KIAA1328: variants seen among roughly 807,000 people sequenced by gnomAD.
KIAA1328 encodes protein hinderin.
In KIAA1328, 52 loss-of-function variants were observed where a neutral mutation model predicts 68.1. The ratio of observed to expected loss-of-function variants is 0.76; its 90% CI spans 0.61 to 0.96. KIAA1328 has a LOEUF of 0.96. Among genes scored for constraint, KIAA1328 ranks in the 40% least tolerant of loss-of-function variants. The pLI is 0.00. For missense variants in KIAA1328, 641 were observed against 677.6 expected, an observed-to-expected ratio of 0.95 and a Z score of 0.60; for synonymous variants, 232 against 239.4, an observed-to-expected ratio of 0.97 and a Z score of 0.28.
intron 5 of KIAA1328, chr18:36,902,177 C>T (rs1012268087): frequency 2.0e-5 from 3 of 151,804 alleles, no homozygotes; most frequent in Non-Finnish European, 4.4e-5. Context: ...TCTGAAAATC[C>T]AGCCTCACTT....
At chr18:37,035,906 C>G (rs1405100332) in intron 6 of KIAA1328, among the ~76,000 whole-genome samples, 1 of 152,026 alleles carries the variant, frequency 6.6e-6, no homozygotes, top group Non-Finnish European at 1.5e-5. Flanking sequence ...TTTTTTCTCT[C>G]TCTCCTTTCT....
chr18:36,880,461 T>C (rs760077688), intron 4 of KIAA1328, among the ~76,000 whole-genome samples: 3 of 152,238 alleles, frequency 2.0e-5, no homozygotes, highest in Non-Finnish European at 4.4e-5. Flanking sequence ...CTGTTTCTAT[T>C]TGGCCATCTT....
chr18:36,962,543 T>A (rs913912065), intron 6 of KIAA1328, among the ~76,000 whole-genome samples: 49 of 152,300 alleles, frequency 3.2e-4, no homozygotes, highest in African/African-American at 9.4e-4. Context: ...ACATCATGCT[T>A]ATTCTAAAAT....
chr18:37,112,367 T>A (rs747987753), intron 7 of KIAA1328, among the ~76,000 whole-genome samples: 3 of 152,190 alleles, frequency 2.0e-5, no homozygotes, highest in Non-Finnish European at 2.9e-5. Context: ...TTCTGCAATA[T>A]TTGCTGTTCT....
intron 7 of KIAA1328, among the ~76,000 whole-genome samples, chr18:37,073,740 T>C (rs2056613225): frequency 6.6e-6 from 1 of 152,242 alleles, no homozygotes; most frequent in Non-Finnish European, 1.5e-5. Context: ...TGTCTTCTCT[T>C]TATTTTCAGA....
At chr18:37,078,792 A>C (rs1418960034) in intron 7 of KIAA1328, among the ~76,000 whole-genome samples, 2 of 150,956 alleles carry the variant, frequency 1.3e-5, no homozygotes, top group Non-Finnish European at 3.0e-5. Context: ...ACCATCTCAC[A>C]CCAGTTAGAA....
chr18:36,957,420 A>C (rs887901369), intron 5 of KIAA1328, among the ~76,000 whole-genome samples: 20 of 152,124 alleles, frequency 1.3e-4, no homozygotes, highest in African/African-American at 4.8e-4. Context: ...TAAGGAACAG[A>C]GCTCTCTCTT....
chr18:36,998,464 C>T (rs73417193), intron 6 of KIAA1328, among the ~76,000 whole-genome samples: 15 of 152,272 alleles, frequency 9.9e-5, no homozygotes, highest in South Asian at 2.1e-4. Context: ...ACATGAAGGA[C>T]GAAAAATTGG....
chr18:36,877,875 G>T (rs2048190127), intron 4 of KIAA1328, among the ~76,000 whole-genome samples: 1 of 151,786 alleles, frequency 6.6e-6, no homozygotes, highest in Non-Finnish European at 1.5e-5. Flanking sequence ...CACCATGTTA[G>T]CCAGGATGGT....
rs144472393 is a variant in KIAA1328, at chr18:36,955,553, C to G, written c.449-3755C>G. The stretch of plus-strand genomic sequence containing the variant: ...TCAATCTCTTGACCTGGTGATCTGT[C>G]CACCTCGGCCTCCCAAAGTGCTGGG... On this transcript the variant is annotated intron_variant, in intron 5 of 9. Transcript: ENST00000280020. Among the ~76,000 whole-genome samples the G allele has an allele frequency of 5.2e-4, 79 of 152,098 alleles. No homozygotes were observed. In the East Asian group the frequency reaches 0.01, roughly 19 times the overall value.
chr18:37,062,901 C>T (rs973121576), intron 6 of KIAA1328, among the ~76,000 whole-genome samples: 6 of 152,102 alleles, frequency 3.9e-5, no homozygotes, highest in African/African-American at 1.4e-4. Flanking sequence ...TTACCACTAA[C>T]CTGGTAATTT....
chr18:36,948,261 G>GTTTT (rs1167822236), intron 5 of KIAA1328, among the ~76,000 whole-genome samples: 9 of 115,770 alleles, frequency 7.8e-5, no homozygotes, highest in Non-Finnish European at 1.4e-4. Context: ...TTTGTCTTTT[G>GTTTT]TTTTTTTTTT....
In KIAA1328 at chr18:37,018,457, G is replaced by C. The variant is rs567565442; in HGVS notation, c.577-48433G>C. 1.0e-3 allele frequency among the ~76,000 whole-genome samples: 156 copies of C among 152,152 alleles called. 1 individual carries two copies. In the Middle Eastern group the frequency reaches 0.014, roughly 13 times the overall value. ...TATTATATACCTTGGTGATTATTTA[G>C]TATAGTATCTTCCAGGTGATCTCTG... On this transcript the variant is annotated intron_variant, in intron 6 of 9. Transcript: ENST00000280020.
intron 9 of KIAA1328, among the ~76,000 whole-genome samples, chr18:37,180,710 T>C (rs560534313): frequency 1.2e-4 from 18 of 152,092 alleles, no homozygotes; most frequent in Non-Finnish European, 2.4e-4. Flanking sequence ...CCAGGTTTTC[T>C]GATGTTCCTA....
chr18:37,099,634 A>G (rs1199011109), intron 7 of KIAA1328, among the ~76,000 whole-genome samples: 1 of 152,000 alleles, frequency 6.6e-6, no homozygotes, highest in Non-Finnish European at 1.5e-5. Flanking sequence ...TATCCTTGTT[A>G]ACTTTCTGTC....
At position 37,180,058 on chromosome 18, in the gene KIAA1328, C is replaced by CCACA. The variant is rs139301794; in HGVS notation, c.1523+7022_1523+7025dup. On this transcript the variant is annotated intron_variant, in intron 9 of 9. Coordinates refer to ENST00000280020, the MANE Select transcript of KIAA1328 (RefSeq NM_020776.3). The stretch of plus-strand genomic sequence containing the variant: ...TGACAGCTGCCATGGGATTCAAAAG[C>CCACA]CACACACACACACACACACACACAC... Among the ~76,000 whole-genome samples the CCACA allele has an allele frequency of 6.8e-3, 909 of 134,138 alleles. 3 individuals are homozygous for CCACA. The highest frequency in any genetic ancestry group is 0.016 in the South Asian group (61 of 3,724). The allele number at this position is 134,138 out of a possible 152,430, so 88.0% of individuals were successfully genotyped here.
rs776760421 is a variant in KIAA1328 at position 36,907,041 on chromosome 18, T to C, written c.448+21369T>C. ...CTTGCAGACCGTACGTCTGTTGTCA[T>C]ATTTTATCTACTTTTCTTTGTATTT... is the stretch of plus-strand genomic sequence containing the variant. On this transcript the variant is annotated intron_variant, in intron 5 of 9. Transcript: ENST00000280020. 3.3e-5 allele frequency among the ~76,000 whole-genome samples: 5 copies of C among 152,238 alleles called. No individual in the cohort carries two copies. The South Asian group carries it at 1.0e-3, about 32-fold the overall frequency.
chr18:36,969,828 C>CA (rs997225049), intron 6 of KIAA1328, among the ~76,000 whole-genome samples: 9 of 151,850 alleles, frequency 5.9e-5, no homozygotes, highest in South Asian at 4.2e-4. Flanking sequence ...AGAGACATAA[C>CA]AAAAAAAATC....
At chr18:37,204,776 A>C (rs2060185339) in intron 9 of KIAA1328, among the ~76,000 whole-genome samples, 1 of 151,938 alleles carries the variant, frequency 6.6e-6, no homozygotes, top group Non-Finnish European at 1.5e-5. Context: ...AAAAAAAAAA[A>C]AAAACACCTC....
Sources: allele counts gnomAD v4.1 joint callset (sites outside exome capture counted in the v4.1 genomes callset), GRCh38; gene constraint gnomAD v4.1.1; transcripts MANE v1.5; gene names NCBI Gene and HGNC (gene_info 2026-07-23, HGNC 2026-07-21).